AUTS2: variants seen among roughly 807,000 people sequenced by gnomAD.
AUTS2 encodes autism susceptibility gene 2 protein.
Under a neutral mutation model 112.4 loss-of-function variants are expected in AUTS2, and 17 were observed. The observed-to-expected ratio is 0.15, with a 90% CI of 0.10 to 0.23. The LOEUF (loss-of-function observed/expected upper bound fraction) is 0.23, where lower values mean the gene tolerates loss of function less well. Ranked by LOEUF, AUTS2 falls within the 10% of genes least tolerant of loss-of-function variation. The pLI is 1.00. For synonymous variants in AUTS2, 751 were observed against 702.7 expected (o/e 1.07, Z -1.09); for missense variants, 1,510 against 1,701.6 (o/e 0.89, Z 1.98).
intron 1 of AUTS2, among the ~76,000 whole-genome samples, chr7:69,675,553 G>T (rs1242348268): frequency 1.4e-5 from 2 of 138,608 alleles, no homozygotes; most frequent in African/African-American, 5.6e-5. Context: ...CTGTATCCCA[G>T]GCTGGAGTGC....
At chr7:70,388,264 A>G (rs1160407734) in intron 4 of AUTS2, among the ~76,000 whole-genome samples, 1 of 152,154 alleles carries the variant, frequency 6.6e-6, no homozygotes, top group African/African-American at 2.4e-5. Flanking sequence ...GTAGGAAAGG[A>G]CATTTAGCAC....
intron 1 of AUTS2, among the ~76,000 whole-genome samples, chr7:69,857,041 T>G (rs1307897245): frequency 6.6e-6 from 1 of 152,186 alleles, no homozygotes; most frequent in Non-Finnish European, 1.5e-5. Context: ...CCCTGTTAAA[T>G]CAGTATAATG....
chr7:70,489,094 C>A (rs1303058913), intron 5 of AUTS2, among the ~76,000 whole-genome samples: 5 of 152,016 alleles, frequency 3.3e-5, no homozygotes, highest in Non-Finnish European at 7.4e-5. Flanking sequence ...TTTGAGGAAA[C>A]CAACAAAAAA....
chr7:70,576,066 C>G (rs1802150892), intron 5 of AUTS2, among the ~76,000 whole-genome samples: 2 of 152,122 alleles, frequency 1.3e-5, no homozygotes, highest in Non-Finnish European at 2.9e-5. Flanking sequence ...GAAGTTGTGT[C>G]TTGGAATCCA....
chr7:69,712,922 G>A (rs78005203), intron 1 of AUTS2, among the ~76,000 whole-genome samples: 5,210 of 152,130 alleles, frequency 0.034, 126 homozygotes, highest in Middle Eastern at 0.082. Context: ...ATTCTAATAG[G>A]CATGTAGTAA....
chr7:70,173,203 C>G (rs748748109), intron 4 of AUTS2, among the ~76,000 whole-genome samples: 4 of 151,948 alleles, frequency 2.6e-5, no homozygotes, highest in Non-Finnish European at 5.9e-5. Flanking sequence ...ACAGTGAAAC[C>G]CTGTCTCTAC....
chr7:70,489,107 C>A (rs561137337), intron 5 of AUTS2, among the ~76,000 whole-genome samples: 1 of 152,290 alleles, frequency 6.6e-6, no homozygotes, highest in East Asian at 1.9e-4. Flanking sequence ...ACAAAAAACA[C>A]AGATACATTG....
At chr7:70,733,659 A>C (rs754446787) in intron 6 of AUTS2, among the ~76,000 whole-genome samples, 2 of 151,584 alleles carry the variant, frequency 1.3e-5, no homozygotes, top group African/African-American at 2.4e-5. Flanking sequence ...TGGTCTCGGC[A>C]CACTGCAACC....
chr7:69,866,634 CA>C (rs1479228479), intron 1 of AUTS2, among the ~76,000 whole-genome samples: 22 of 152,162 alleles, frequency 1.4e-4, no homozygotes, highest in African/African-American at 5.3e-4. Context: ...AATCACAGAG[CA>C]AGCAAAGTTC....
chr7:69,693,798 AT>A (rs766394321), intron 1 of AUTS2, among the ~76,000 whole-genome samples: 4 of 152,210 alleles, frequency 2.6e-5, no homozygotes, highest in Non-Finnish European at 5.9e-5. Flanking sequence ...TTTCCATGAC[AT>A]TGCTTTAGCC....
At chr7:70,587,966 C>T (rs76736769) in intron 5 of AUTS2, among the ~76,000 whole-genome samples, 95 of 152,248 alleles carry the variant, frequency 6.2e-4, no homozygotes, top group Middle Eastern at 3.4e-3. Flanking sequence ...ACTGAACTGC[C>T]GCCGCACAGT....
At chr7:70,023,320 A>G (rs1800366473) in intron 2 of AUTS2, among the ~76,000 whole-genome samples, 1 of 152,206 alleles carries the variant, frequency 6.6e-6, no homozygotes, top group Non-Finnish European at 1.5e-5. Context: ...TAGCTTTTCC[A>G]GTTCTTTAAA....
At chr7:69,977,938 T>C (rs1023989403) in intron 2 of AUTS2, among the ~76,000 whole-genome samples, 3 of 152,204 alleles carry the variant, frequency 2.0e-5, no homozygotes, top group African/African-American at 7.2e-5. Flanking sequence ...TTTATATTTA[T>C]TTTATGTATA....
At chr7:70,004,400 T>C (rs1799441219) in intron 2 of AUTS2, among the ~76,000 whole-genome samples, 2 of 87,378 alleles carry the variant, frequency 2.3e-5, no homozygotes, top group South Asian at 9.0e-4. Flanking sequence ...TATATGAATA[T>C]ATATGTGAAT....
intron 4 of AUTS2, among the ~76,000 whole-genome samples, chr7:70,266,950 C>G (rs114265534): frequency 6.6e-6 from 1 of 152,222 alleles, no homozygotes; most frequent in Non-Finnish European, 1.5e-5. Flanking sequence ...AGATTGCCTC[C>G]TTGTCTGAAA....
At chr7:70,548,786 G>T (rs992920177) in intron 5 of AUTS2, among the ~76,000 whole-genome samples, 1 of 152,106 alleles carries the variant, frequency 6.6e-6, no homozygotes, top group African/African-American at 2.4e-5. Flanking sequence ...GTACCAGGCT[G>T]TCTTGATTAC....
In AUTS2 at chr7:69,936,213, A is replaced by G. The variant is rs531036756; in HGVS notation, c.522+36715A>G. Among the ~76,000 whole-genome samples, 4 of 152,252 alleles carry G rather than the reference A, an allele frequency of 2.6e-5. No individual in the cohort carries two copies. The East Asian group carries it at 7.7e-4, about 29-fold the overall frequency. On this transcript the variant is annotated intron_variant, in intron 2 of 18. Coordinates refer to ENST00000342771, the MANE Select transcript of AUTS2 (RefSeq NM_015570.4). Reference sequence around the variant, plus strand: ...GCATACATTTTGTAGAAAGCAACTAAAGTTTTTCCTCCAAAGCTTTAGGCC... The same window carrying G: ...GCATACATTTTGTAGAAAGCAACTAGAGTTTTTCCTCCAAAGCTTTAGGCC...
Position 69,781,454 on chromosome 7 carries a change from C to T in AUTS2, c.310-117832C>T, listed in dbSNP as rs548278163. Among the ~76,000 whole-genome samples, 15 of 152,302 alleles carry T rather than the reference C, an allele frequency of 9.8e-5. No homozygotes were observed. The East Asian group carries it at 2.1e-3, about 22-fold the overall frequency. On this transcript the variant is annotated intron_variant, in intron 1 of 18. Coordinates refer to ENST00000342771, the MANE Select transcript of AUTS2 (RefSeq NM_015570.4). ...GCTGGAGGTACCAGCAGATAACACT[C>T]GGAGGCAGTGGGTCCTGTGAATCAC...
chr7:70,517,264 A>G (rs1799453894), intron 5 of AUTS2, among the ~76,000 whole-genome samples: 1 of 152,178 alleles, frequency 6.6e-6, no homozygotes, highest in African/African-American at 2.4e-5. Context: ...GGTTCTCAAG[A>G]GGGTTTCTTA....
Sources: gnomAD v4.1 joint callset for allele counts (sites outside exome capture counted in the v4.1 genomes callset) on GRCh38, gnomAD v4.1.1 for gene constraint, MANE v1.5 for transcripts, NCBI Gene and HGNC (gene_info 2026-07-23, HGNC 2026-07-21) for gene names.